The following TAFA2 variants were observed in gnomAD, a reference collection of about 807,000 sequenced individuals.
TAFA2 encodes the protein chemokine-like protein TAFA-2.
In TAFA2, 7 loss-of-function variants were observed where a neutral mutation model predicts 18.8. The observed-to-expected ratio is 0.37, with a 90% confidence interval of 0.21 to 0.70. TAFA2 has a LOEUF of 0.70. Ranked by LOEUF, TAFA2 falls within the 30% of genes least tolerant of loss-of-function variation. TAFA2 has a pLI of 0.53. For synonymous variants in TAFA2, 60 were observed against 54.2 expected (o/e 1.11, Z -0.47); for missense variants, 122 against 158.1 (o/e 0.77, Z 1.23).
intron 1 of TAFA2, among the ~76,000 whole-genome samples, chr12:61,895,043 A>T (rs1398358780): frequency 1.3e-5 from 2 of 152,180 alleles, no homozygotes; most frequent in Non-Finnish European, 2.9e-5. Context: ...GAACACAGAC[A>T]GAGCAAAATT....
intron 1 of TAFA2, among the ~76,000 whole-genome samples, chr12:61,911,996 C>A (rs917188853): frequency 1.3e-5 from 2 of 152,154 alleles, no homozygotes; most frequent in Non-Finnish European, 2.9e-5. Flanking sequence ...AAATTTTTAC[C>A]AAACTCCCAG....
intron 1 of TAFA2, among the ~76,000 whole-genome samples, chr12:62,102,968 C>G (rs1317435941): frequency 6.6e-6 from 1 of 152,184 alleles, no homozygotes; most frequent in Non-Finnish European, 1.5e-5. Context: ...CACATATATT[C>G]TGGGTAGTAC....
chr12:61,785,523 G>A (rs1040425481), intron 2 of TAFA2, among the ~76,000 whole-genome samples: 5 of 151,420 alleles, frequency 3.3e-5, no homozygotes, highest in African/African-American at 4.8e-5. Context: ...TTCCATGGAA[G>A]CAATGGCCAG....
At chr12:62,163,602 T>C (rs71465139) in intron 1 of TAFA2, among the ~76,000 whole-genome samples, 6,665 of 152,202 alleles carry the variant, frequency 0.044, 212 homozygotes, top group Non-Finnish European at 0.065. Context: ...GGAGGTGTCT[T>C]ACCTATTTAA....
chr12:62,133,281 C>T (rs1335895777), intron 1 of TAFA2, among the ~76,000 whole-genome samples: 1 of 151,994 alleles, frequency 6.6e-6, no homozygotes, highest in African/African-American at 2.4e-5. Flanking sequence ...TGGGAATATC[C>T]TTGTCACCAT....
intron 1 of TAFA2, among the ~76,000 whole-genome samples, chr12:62,136,196 A>G (rs1311966131): frequency 3.3e-5 from 5 of 152,158 alleles, no homozygotes; most frequent in Non-Finnish European, 5.9e-5. Flanking sequence ...TACTTTCATC[A>G]GTTTAGATTA....
At chr12:62,176,977 C>T (rs2062518304) in intron 1 of TAFA2, among the ~76,000 whole-genome samples, 1 of 152,162 alleles carries the variant, frequency 6.6e-6, no homozygotes, top group Non-Finnish European at 1.5e-5. Context: ...AAGCCACTTG[C>T]TTATAAAATA....
At chr12:61,748,946 G>T (rs1868868173) in intron 4 of TAFA2, among the ~76,000 whole-genome samples, 1 of 151,808 alleles carries the variant, frequency 6.6e-6, no homozygotes, top group South Asian at 2.1e-4. Flanking sequence ...AGTGTTTGTT[G>T]TCAATAGACT....
intron 1 of TAFA2, among the ~76,000 whole-genome samples, chr12:62,125,381 C>T (rs1022955886): frequency 2.0e-5 from 3 of 152,040 alleles, no homozygotes; most frequent in African/African-American, 4.8e-5. Context: ...GAAGCTGGCC[C>T]GGCTCTGCCC....
At chr12:61,810,918 C>A (rs893743676) in intron 2 of TAFA2, among the ~76,000 whole-genome samples, 4 of 151,226 alleles carry the variant, frequency 2.6e-5, no homozygotes, top group African/African-American at 9.9e-5. Flanking sequence ...AACCTACCAC[C>A]ATTCCTGCCA....
chr12:61,932,687 T>C (rs1877608316), intron 1 of TAFA2, among the ~76,000 whole-genome samples: 1 of 152,068 alleles, frequency 6.6e-6, no homozygotes, highest in Non-Finnish European at 1.5e-5. Context: ...TGATCTGTCC[T>C]CCTCGACCTC....
intron 1 of TAFA2, among the ~76,000 whole-genome samples, chr12:62,239,300 C>T (rs545049806): frequency 1.8e-4 from 28 of 152,314 alleles, no homozygotes; most frequent in African/African-American, 5.1e-4. Flanking sequence ...TCTTGGTTCA[C>T]ATCTTTTTCT....
At chr12:61,877,322 A>AC (rs2121258314) in intron 1 of TAFA2, among the ~76,000 whole-genome samples, 2 of 152,130 alleles carry the variant, frequency 1.3e-5, no homozygotes, top group South Asian at 4.2e-4. Context: ...GCTTTGTTCC[A>AC]CCCCTAACAT....
chr12:62,065,375 C>G (rs1447561361), intron 1 of TAFA2, among the ~76,000 whole-genome samples: 6 of 151,946 alleles, frequency 3.9e-5, no homozygotes, highest in Non-Finnish European at 8.8e-5. Context: ...ATTCAGCAAC[C>G]TATTGCAGAC....
At chr12:62,188,727 A>C (rs1263999024) in intron 1 of TAFA2, among the ~76,000 whole-genome samples, 1 of 152,150 alleles carries the variant, frequency 6.6e-6, no homozygotes, top group East Asian at 1.9e-4. Flanking sequence ...GACTACTAAC[A>C]TTTTCTGATA....
chr12:62,129,143 A>G (rs1324114640), intron 1 of TAFA2, among the ~76,000 whole-genome samples: 2 of 152,008 alleles, frequency 1.3e-5, no homozygotes, highest in African/African-American at 4.8e-5. Context: ...CTTGGACTGT[A>G]TACACAAACT....
chr12:62,170,832 A>G (rs1470041818), intron 1 of TAFA2, among the ~76,000 whole-genome samples: 2 of 152,066 alleles, frequency 1.3e-5, no homozygotes, highest in Non-Finnish European at 2.9e-5. Context: ...CTCTGTGTTC[A>G]TGTGTACACA....
intron 1 of TAFA2, among the ~76,000 whole-genome samples, chr12:61,882,318 G>C (rs186596076): frequency 6.6e-6 from 1 of 152,324 alleles, no homozygotes; most frequent in African/African-American, 2.4e-5. Flanking sequence ...CACAGCATCT[G>C]CACTTTGGCG....
At chr12:62,113,387 C>T (rs1869821118) in intron 1 of TAFA2, among the ~76,000 whole-genome samples, 2 of 152,138 alleles carry the variant, frequency 1.3e-5, no homozygotes, top group African/African-American at 4.8e-5. Context: ...CCACCAGATG[C>T]CAGCCAGAGC....
Sources: gnomAD v4.1 joint callset for allele counts (sites outside exome capture counted in the v4.1 genomes callset) on GRCh38, gnomAD v4.1.1 for gene constraint, MANE v1.5 for transcripts, NCBI Gene and HGNC (gene_info 2026-07-23, HGNC 2026-07-21) for gene names.